The following UBE2G1 variants were observed in gnomAD, a reference collection of about 807,000 sequenced individuals.
The protein encoded by UBE2G1 is ubiquitin conjugating enzyme E2 G1, also known as ubiquitin-conjugating enzyme E2 G1.
A neutral mutation model predicts 22.7 loss-of-function variants in UBE2G1; 5 were observed. The ratio of observed to expected loss-of-function variants is 0.22; its 90% confidence interval spans 0.12 to 0.46. UBE2G1 has a LOEUF of 0.46. Ranked by LOEUF, UBE2G1 falls within the 20% of genes least tolerant of loss-of-function variation. The pLI is 0.99. For missense variants in UBE2G1, 88 were observed against 203.9 expected (o/e 0.43, Z 3.46); for synonymous variants, 74 against 67.5 (o/e 1.10, Z -0.47).
In UBE2G1 at chr17:4,350,068, G is replaced by A. The variant is rs188042947; in HGVS notation, c.46+16203C>T. On this transcript the variant is annotated intron_variant, in intron 1 of 5. Coordinates refer to ENST00000396981, the MANE Select transcript of UBE2G1 (RefSeq NM_003342.5). ...CTCCCAAAATGTTGGGATTACAGAA[G>A]TTAAGTCACTGCACCCAGCGCTTAA... Among the ~76,000 whole-genome samples the A allele has an allele frequency of 7.6e-4, 116 of 152,224 alleles. 3 individuals carry two copies. In the East Asian group the frequency reaches 0.016, roughly 20 times the overall value.
At chr17:4,290,403 T>C (rs1386500652) in intron 3 of UBE2G1, among the ~76,000 whole-genome samples, 3 of 152,328 alleles carry the variant, frequency 2.0e-5, no homozygotes, top group Non-Finnish European at 4.4e-5. Flanking sequence ...GAATCAAAGT[T>C]TGTATCTACC....
rs1968756061 is a variant in UBE2G1 at position 4,271,225 on chromosome 17, A to G, written c.*1329T>C. On this transcript the variant is annotated 3_prime_UTR_variant, in exon 6 of 6. Transcript: ENST00000396981. Reference sequence around the variant, plus strand: ...GTTAGTGACGGGATCTATACGTCAAATAGCAAAGCATTTACCCCTGTAATG... The same window carrying G: ...GTTAGTGACGGGATCTATACGTCAAGTAGCAAAGCATTTACCCCTGTAATG... 6.6e-6 allele frequency: 1 copy of G among 152,642 alleles called. No individual in the cohort carries two copies. The highest frequency in any genetic ancestry group is 1.5e-5 in the Non-Finnish European group (1 of 68,050). The allele number at this position is 152,642 out of a possible 1,614,324, so 9.5% of individuals were successfully genotyped here.
chr17:4,300,394 T>C (rs1969163361), intron 2 of UBE2G1, among the ~76,000 whole-genome samples: 1 of 151,440 alleles, frequency 6.6e-6, no homozygotes. Context: ...AATGCAAAAA[T>C]TAGCCAGGCG....
Position 4,271,893 on chromosome 17 carries a change from C to A in UBE2G1, c.*661G>T, listed in dbSNP as rs902583548. The A allele has an allele frequency of 4.6e-5, 7 of 152,546 alleles. No individual in the cohort carries two copies. The highest frequency in any genetic ancestry group is 1.7e-4 in the African/African-American group (7 of 41,410). 9.4% of individuals were successfully genotyped at this position (152,546 alleles called of 1,614,324 possible). A position where few individuals can be genotyped will look rare whatever the true frequency, so the allele number is the denominator to read the frequency against. ...AGGACAAAGCACCTAGTGATGACTC[C>A]TTCGAAGTCATCATTAAAAATCAAG... On this transcript the variant is annotated 3_prime_UTR_variant, in exon 6 of 6. Coordinates refer to ENST00000396981, the MANE Select transcript of UBE2G1 (RefSeq NM_003342.5).
chr17:4,328,826 C>A (rs1031203920), intron 1 of UBE2G1, among the ~76,000 whole-genome samples: 3 of 152,204 alleles, frequency 2.0e-5, no homozygotes, highest in Non-Finnish European at 4.4e-5. Context: ...GTGGCTCACG[C>A]CTGTAATCCC....
intron 1 of UBE2G1, among the ~76,000 whole-genome samples, chr17:4,316,799 A>G (rs1272560931): frequency 1.3e-5 from 2 of 151,986 alleles, no homozygotes; most frequent in Non-Finnish European, 2.9e-5. Context: ...AGCCTAGGCA[A>G]CAGCAACATA....
intron 5 of UBE2G1, among the ~76,000 whole-genome samples, chr17:4,280,267 C>T (rs1363433859): frequency 6.7e-6 from 1 of 149,678 alleles, no homozygotes; most frequent in Non-Finnish European, 1.5e-5. Context: ...GAACTCCCAT[C>T]ATCAGGTAAT....
At chr17:4,341,740 G>T (rs550205682) in intron 1 of UBE2G1, among the ~76,000 whole-genome samples, 4 of 152,146 alleles carry the variant, frequency 2.6e-5, no homozygotes, top group Non-Finnish European at 1.5e-5. Context: ...ATACCAATCC[G>T]TCCAGTGCAA....
intron 1 of UBE2G1, among the ~76,000 whole-genome samples, chr17:4,353,800 G>A (rs9904114): frequency 0.031 from 4,587 of 148,566 alleles, 274 homozygotes; most frequent in African/African-American, 0.11. Context: ...GTGAGCCACC[G>A]TGCCCGGTCA....
At chr17:4,302,037 C>CAAA in intron 2 of UBE2G1, 2 of 449,212 alleles carry the variant, frequency 4.5e-6, no homozygotes, top group South Asian at 1.7e-5. Flanking sequence ...AGAACAACAA[C>CAAA]AACAAAAAAA....
At chr17:4,303,335 C>T (rs150115535) in intron 2 of UBE2G1, among the ~76,000 whole-genome samples, 60 of 151,908 alleles carry the variant, frequency 3.9e-4, no homozygotes, top group Admixed American at 9.8e-4. Flanking sequence ...AAGTGTCCTT[C>T]GAATTATAAT....
rs1338030077 is a variant in UBE2G1 at position 4,326,635 on chromosome 17, A to G, written c.47-19512T>C. Among the ~76,000 whole-genome samples, 3 of 152,232 alleles carry G rather than the reference A, an allele frequency of 2.0e-5. No homozygotes were observed. In the East Asian group the frequency reaches 5.8e-4, roughly 29 times the overall value. ...GGGTCAAACAGATGTTTGTACACCAATGTTCAAAGCAGCATTATTCACAAC... is the reference window on the plus strand; with the variant it reads ...GGGTCAAACAGATGTTTGTACACCAGTGTTCAAAGCAGCATTATTCACAAC... On this transcript the variant is annotated intron_variant, in intron 1 of 5. Transcript: ENST00000396981.
intron 1 of UBE2G1, among the ~76,000 whole-genome samples, chr17:4,329,109 G>GAAAAAAAAAAA: frequency 1.1e-5 from 1 of 91,760 alleles, no homozygotes; most frequent in Non-Finnish European, 2.1e-5. Flanking sequence ...GTCTCAAAAA[G>GAAAAAAAAAAA]AAAAAAAAAA....
At chr17:4,308,539 C>A (rs984767328) in intron 1 of UBE2G1, among the ~76,000 whole-genome samples, 2 of 151,982 alleles carry the variant, frequency 1.3e-5, no homozygotes, top group South Asian at 2.1e-4. Flanking sequence ...AGAAAAAAAA[C>A]ACACACACAC....
At chr17:4,354,939 G>A (rs1969888541) in intron 1 of UBE2G1, among the ~76,000 whole-genome samples, 1 of 151,804 alleles carries the variant, frequency 6.6e-6, no homozygotes, top group Non-Finnish European at 1.5e-5. Context: ...TTTATCAAAA[G>A]GAAAAATTAG....
intron 1 of UBE2G1, among the ~76,000 whole-genome samples, chr17:4,316,329 T>C (rs377471670): frequency 2.0e-5 from 2 of 98,740 alleles, no homozygotes; most frequent in South Asian, 7.8e-4. Context: ...TCTGAGATCA[T>C]AGATAGACAG....
chr17:4,297,726 A>C (rs1291247091), intron 2 of UBE2G1, among the ~76,000 whole-genome samples: 2 of 152,156 alleles, frequency 1.3e-5, no homozygotes, highest in African/African-American at 4.8e-5. Flanking sequence ...CTTAAACGTT[A>C]CCTCTAGAAA....
intron 1 of UBE2G1, among the ~76,000 whole-genome samples, chr17:4,311,930 T>C (rs1221542646): frequency 6.6e-6 from 1 of 152,018 alleles, no homozygotes; most frequent in African/African-American, 2.4e-5. Context: ...TGCCTTTTGT[T>C]AGGGACAAAA....
intron 2 of UBE2G1, among the ~76,000 whole-genome samples, chr17:4,305,446 T>C (rs911129513): frequency 3.9e-5 from 6 of 152,228 alleles, no homozygotes; most frequent in African/African-American, 1.2e-4. Flanking sequence ...CTCAGCAGCA[T>C]ATACACACTC....
Sources: gnomAD v4.1 joint callset for allele counts (sites outside exome capture counted in the v4.1 genomes callset) on GRCh38, gnomAD v4.1.1 for gene constraint, MANE v1.5 for transcripts, NCBI Gene and HGNC (gene_info 2026-07-23, HGNC 2026-07-21) for gene names.